The following METTL25B variants were observed in gnomAD, a reference collection of about 807,000 sequenced individuals.
METTL25B encodes the protein methyltransferase-like protein 25B.
A neutral mutation model predicts 48.4 loss-of-function variants in METTL25B; 38 were observed. That is an observed-to-expected ratio of 0.78 (90% CI 0.61 to 1.03). The LOEUF (loss-of-function observed/expected upper bound fraction) is 1.03. METTL25B is among the 50% of genes least tolerant of loss of function. The pLI is 0.00. For missense variants in METTL25B, 537 were observed against 603.7 expected (o/e 0.89, Z 1.16); for synonymous variants, 230 against 254.5 (o/e 0.90, Z 0.92).
At position 156,736,232 on chromosome 1, in the gene METTL25B, C is replaced by T. The variant is rs41267417; in HGVS notation, c.1306+323C>T. 267 of 258,194 alleles carry T rather than the reference C, an allele frequency of 1.0e-3. 2 individuals are homozygous for T. Among genetic ancestry groups the T allele is most frequent in the Non-Finnish European group, 1.5e-3 (206 of 134,742 alleles). 16.0% of individuals were successfully genotyped at this position (258,194 alleles called of 1,614,324 possible). On this transcript the variant is annotated intron_variant, in intron 7 of 7. Coordinates refer to ENST00000368216, the MANE Select transcript of METTL25B (RefSeq NM_015997.4). ...AAAAGTAGCCGGGTATGGTGGCGCA[C>T]ACCTGTAGTCTCAGCTATTTGGGTG...
At chr1:156,730,417 A>G (rs1389877946) in intron 1 of METTL25B, among the ~76,000 whole-genome samples, 1 of 152,204 alleles carries the variant, frequency 6.6e-6, no homozygotes, top group Non-Finnish European at 1.5e-5. Flanking sequence ...ACTCTAGAGT[A>G]AAATTGGTTT....
rs746412730 is a variant in METTL25B, at chr1:156,733,991, C to T, written c.637-18C>T. Reference sequence around the variant, plus strand: ...AAACAGACTTCCCATCTGCCTTTGTCCTTTCCTGCTTCCACAGGTGGTCCA... The same window carrying T: ...AAACAGACTTCCCATCTGCCTTTGTTCTTTCCTGCTTCCACAGGTGGTCCA... On this transcript the variant is annotated intron_variant, in intron 5 of 7. Transcript: ENST00000368216. 34 of 1,578,172 alleles carry T rather than the reference C, an allele frequency of 2.2e-5. No individual in the cohort carries two copies. Among genetic ancestry groups the T allele is most frequent in the Non-Finnish European group, 2.8e-5 (32 of 1,160,958 alleles).
Position 156,729,144 on chromosome 1 carries a change from A to T in METTL25B, c.40A>T (p.Arg14Trp), listed in dbSNP as rs1195603969. Residue 14 changes from arginine to tryptophan, a missense_variant, in exon 1 of 8, where the codon AGG (arginine) becomes TGG (tryptophan). Transcript: ENST00000368216. Reference protein sequence around the residue: ...ISARGLSHEGRKQLAVNLTRV... With the variant: ...ISARGLSHEGWKQLAVNLTRV... The stretch of plus-strand genomic sequence containing the variant: ...CGCCCGAGGCCTCTCTCATGAGGGG[A>T]GGAAGCAGCTAGCTGTTAACCTCAC... 2 of 1,610,426 alleles carry T rather than the reference A, an allele frequency of 1.2e-6. No individual in the cohort carries two copies. The highest frequency in any genetic ancestry group is 1.7e-5 in the Admixed American group (1 of 59,690).
At chr1:156,733,773 G>T in intron 5 of METTL25B, 2 of 657,366 alleles carry the variant, frequency 3.0e-6, no homozygotes, top group Non-Finnish European at 5.1e-6. Context: ...TCAGGTTTTA[G>T]ACTTGTTACA....
intron 3 of METTL25B, among the ~76,000 whole-genome samples, 171 bp from the exon 4 acceptor site, chr1:156,732,814 C>T (rs924524681): frequency 5.9e-5 from 9 of 152,110 alleles, no homozygotes; most frequent in African/African-American, 1.9e-4. Context: ...GGTCCACTCT[C>T]CTTGCTTCCA....
At chr1:156,736,301 A>C in intron 7 of METTL25B, 1 of 262,176 alleles carries the variant, frequency 3.8e-6, no homozygotes. Flanking sequence ...CGGAGGTTGC[A>C]GTGAGCCGAG....
chr1:156,733,731 T>C lies in METTL25B; in HGVS notation c.636+211T>C, dbSNP rs187521289. On this transcript the variant is annotated intron_variant, in intron 5 of 7. Coordinates refer to ENST00000368216, the MANE Select transcript of METTL25B (RefSeq NM_015997.4). Reference sequence around the variant, plus strand: ...ATTTACAAAGTGCTTTCCACACCAATGTATACTTCTCACTACCTGTGAAGT... The same window carrying C: ...ATTTACAAAGTGCTTTCCACACCAACGTATACTTCTCACTACCTGTGAAGT... The C allele has an allele frequency of 1.2e-4, 81 of 653,164 alleles. No individual in the cohort carries two copies. In the Admixed American group the frequency reaches 2.2e-3, roughly 18 times the overall value. The allele number at this position is 653,164 out of a possible 1,614,324, so 40.5% of individuals were successfully genotyped here. A position where few individuals can be genotyped will look rare whatever the true frequency, so the allele number is the denominator to read the frequency against.
intron 1 of METTL25B, 94 bp from the exon 2 acceptor site, chr1:156,731,897 G>C: frequency 1.3e-6 from 2 of 1,516,580 alleles, no homozygotes; most frequent in Non-Finnish European, 1.8e-6. Flanking sequence ...GCAGTGCTGG[G>C]AAGAGGCAGG....
chr1:156,736,604 C>T (rs2102678235), intron 7 of METTL25B, 28 bp from the exon 8 acceptor site: 1 of 1,613,290 alleles, frequency 6.2e-7, no homozygotes, highest in East Asian at 2.2e-5. Flanking sequence ...GTTCATTCTT[C>T]CCCTTATGAT....
intron 1 of METTL25B, chr1:156,729,431 T>TC (rs1389343051): frequency 1.9e-3 from 782 of 422,376 alleles, no homozygotes; most frequent in Admixed American, 3.7e-3. Context: ...CTTTTTTTTT[T>TC]TCTTTTTTTT....
Position 156,734,467 on chromosome 1 carries a change from C to T in METTL25B, c.1095C>T (p.Pro365=). The part of the protein sequence containing the change: ...ELRRPGVQGI[P]RVHELKIEEY... ...GTCGGCCAGGCGTGCAGGGTATCCC[C>T]AGGGTCCACGAGCTCAAGATTGAAG... Residue 365 remains proline, a synonymous_variant, in exon 6 of 8, where the codon CCC becomes CCT. Transcript: ENST00000368216. The T allele has an allele frequency of 6.3e-7, 1 of 1,598,202 alleles. No homozygotes were observed. Among genetic ancestry groups the T allele is most frequent in the Non-Finnish European group, 8.5e-7 (1 of 1,172,546 alleles).
chr1:156,729,021 T>G lies in METTL25B; in HGVS notation c.-84T>G. ...GTTCTGCCTGCAGAGTTGAGCCCCG[T>G]CCGGGTCCTGGACCCGCGTAGTACT... On this transcript the variant is annotated 5_prime_UTR_variant, in exon 1 of 8. Coordinates refer to ENST00000368216, the MANE Select transcript of METTL25B (RefSeq NM_015997.4). 2.8e-6 allele frequency: 2 copies of G among 716,536 alleles called. No individual in the cohort carries two copies. Among genetic ancestry groups the G allele is most frequent in the Non-Finnish European group, 4.5e-6 (2 of 442,478 alleles). The allele number at this position is 716,536 out of a possible 1,614,324, so 44.4% of individuals were successfully genotyped here.
In METTL25B at chr1:156,728,925, G is replaced by T. The variant is rs1164726766; in HGVS notation, c.-180G>T. ...TCGCGACCTGTGACGTCTGGGGGGC[G>T]CCTCAAATCTTCCACTCCAGCATCG... On this transcript the variant is annotated 5_prime_UTR_variant, in exon 1 of 8. Transcript: ENST00000368216. 1.8e-5 allele frequency: 10 copies of T among 562,306 alleles called. No individual in the cohort carries two copies. Among genetic ancestry groups the T allele is most frequent in the Admixed American group, 8.2e-5 (2 of 24,406 alleles). The allele number at this position is 562,306 out of a possible 1,614,324, so 34.8% of individuals were successfully genotyped here.
intron 4 of METTL25B, 146 bp from the exon 5 acceptor site, chr1:156,733,231 A>T: frequency 1.9e-6 from 2 of 1,056,122 alleles, no homozygotes; most frequent in Non-Finnish European, 2.8e-6. Flanking sequence ...ATACCAACTT[A>T]AGCCACACTG....
In METTL25B at chr1:156,728,557, C is replaced by T. The variant is rs954493872; in HGVS notation, c.-548C>T. Reference sequence around the variant, plus strand: ...GCGCACACCCGCACCGCCCCGACCCCAGGTAGTGAGGCCAGTGATTCCGAG... The same window carrying T: ...GCGCACACCCGCACCGCCCCGACCCTAGGTAGTGAGGCCAGTGATTCCGAG... On this transcript the variant is annotated 5_prime_UTR_variant, in exon 1 of 8. Coordinates refer to ENST00000368216, the MANE Select transcript of METTL25B (RefSeq NM_015997.4). The T allele has an allele frequency of 1.0e-6, 1 of 985,208 alleles. No homozygotes were observed. The highest frequency in any genetic ancestry group is 1.7e-5 in the African/African-American group (1 of 57,258). 61.0% of individuals were successfully genotyped at this position (985,208 alleles called of 1,614,324 possible). A position where few individuals can be genotyped will look rare whatever the true frequency, so the allele number is the denominator to read the frequency against.
intron 1 of METTL25B, among the ~76,000 whole-genome samples, chr1:156,730,359 C>T (rs577142573): frequency 2.0e-5 from 3 of 152,352 alleles, no homozygotes; most frequent in Admixed American, 6.5e-5. Context: ...TTTGCACTCA[C>T]TGCTCTTCCG....
intron 7 of METTL25B, 65 bp downstream of exon 7, chr1:156,735,974 A>C (rs1649755052): frequency 7.1e-7 from 1 of 1,411,238 alleles, no homozygotes; most frequent in Non-Finnish European, 9.8e-7. Flanking sequence ...CTCCTTCTCC[A>C]AGTCCCAGCC....
Position 156,734,123 on chromosome 1 carries a change from C to T in METTL25B, c.751C>T (p.Arg251Cys), listed in dbSNP as rs369102767. 3.4e-4 allele frequency: 541 copies of T among 1,614,202 alleles called. 1 individual carries two copies. Among genetic ancestry groups the T allele is most frequent in the Admixed American group, 8.5e-4 (51 of 60,036 alleles). Residue 251 changes from arginine (R) to cysteine (C), a missense_variant, in exon 6 of 8, where the codon CGC becomes TGC. Coordinates refer to ENST00000368216, the MANE Select transcript of METTL25B (RefSeq NM_015997.4). ...PLENPCQGRARLLLTGLHACG... is the reference protein window; with the variant it reads ...PLENPCQGRACLLLTGLHACG... The stretch of plus-strand genomic sequence containing the variant: ...GGAGAACCCGTGTCAGGGCAGGGCC[C>T]GCTTGCTGCTCACAGGCCTCCACGC...
chr1:156,731,458 G>A (rs1649281676), intron 1 of METTL25B, among the ~76,000 whole-genome samples: 1 of 152,140 alleles, frequency 6.6e-6, no homozygotes, highest in South Asian at 2.1e-4. Flanking sequence ...AACTCTGCAG[G>A]AGCCAGAATC....
Sources: gnomAD v4.1 joint callset for allele counts (sites outside exome capture counted in the v4.1 genomes callset) on GRCh38, gnomAD v4.1.1 for gene constraint, MANE v1.5 for transcripts, NCBI Gene and HGNC (gene_info 2026-07-23, HGNC 2026-07-21) for gene names.